TBC1D22A: variants seen among roughly 807,000 people sequenced by gnomAD.
TBC1D22A encodes putative GTPase activator.
Under a neutral mutation model 60.2 loss-of-function variants are expected in TBC1D22A, and 38 were observed. That is an observed-to-expected ratio of 0.63 (90% CI 0.49 to 0.83). TBC1D22A has a LOEUF of 0.83. Among genes scored for constraint, TBC1D22A ranks in the 40% least tolerant of loss-of-function variants. TBC1D22A has a pLI of 0.00. For synonymous variants in TBC1D22A, 302 were observed against 281.7 expected (o/e 1.07, Z -0.72); for missense variants, 628 against 701.0 (o/e 0.90, Z 1.18).
At chr22:47,084,690 C>T (rs1009891242) in intron 11 of TBC1D22A, among the ~76,000 whole-genome samples, 3 of 152,186 alleles carry the variant, frequency 2.0e-5, no homozygotes, top group Non-Finnish European at 2.9e-5. Flanking sequence ...TAATAGTCTG[C>T]AGCTACACGA....
chr22:46,869,490 T>G (rs1267509470), intron 4 of TBC1D22A, among the ~76,000 whole-genome samples: 3 of 152,206 alleles, frequency 2.0e-5, no homozygotes, highest in Non-Finnish European at 4.4e-5. Context: ...GATGGATTAA[T>G]GTGTGGGTGG....
At chr22:47,138,529 G>T (rs948279459) in intron 12 of TBC1D22A, among the ~76,000 whole-genome samples, 1 of 152,226 alleles carries the variant, frequency 6.6e-6, no homozygotes, top group Non-Finnish European at 1.5e-5. Flanking sequence ...AGCCTCCCTA[G>T]TGAACCTTGC....
chr22:46,799,770 T>A (rs1368913730), intron 4 of TBC1D22A, among the ~76,000 whole-genome samples: 1 of 152,216 alleles, frequency 6.6e-6, no homozygotes, highest in Non-Finnish European at 1.5e-5. Flanking sequence ...CACAATGAGA[T>A]TCTGATTGAT....
chr22:46,996,030 C>G (rs151075875), intron 9 of TBC1D22A, among the ~76,000 whole-genome samples: 4 of 152,316 alleles, frequency 2.6e-5, no homozygotes, highest in Admixed American at 6.5e-5. Flanking sequence ...CCCGCTGCCA[C>G]GCAAAGCAGC....
chr22:46,954,324 C>T (rs2073075157), intron 8 of TBC1D22A, among the ~76,000 whole-genome samples: 1 of 152,192 alleles, frequency 6.6e-6, no homozygotes, highest in African/African-American at 2.4e-5. Flanking sequence ...GATTAAGAAA[C>T]GTGATGCGTG....
intron 12 of TBC1D22A, among the ~76,000 whole-genome samples, chr22:47,161,159 CG>C (rs1300905102): frequency 2.6e-5 from 4 of 152,074 alleles, no homozygotes; most frequent in African/African-American, 9.7e-5. Flanking sequence ...TAGAAAGAGA[CG>C]GTGCCTGGAT....
intron 12 of TBC1D22A, among the ~76,000 whole-genome samples, chr22:47,171,450 T>A (rs1279810544): frequency 1.3e-5 from 2 of 152,126 alleles, no homozygotes; most frequent in African/African-American, 4.8e-5. Context: ...GGGCAAATTC[T>A]CGAGGACCAG....
chr22:46,867,023 G>T (rs756262161), intron 4 of TBC1D22A, among the ~76,000 whole-genome samples: 1 of 152,180 alleles, frequency 6.6e-6, no homozygotes, highest in Non-Finnish European at 1.5e-5. Flanking sequence ...TACAGGATTT[G>T]TCATTTCATG....
At chr22:47,011,015 C>T (rs1407172439) in intron 10 of TBC1D22A, among the ~76,000 whole-genome samples, 1 of 152,180 alleles carries the variant, frequency 6.6e-6, no homozygotes, top group Non-Finnish European at 1.5e-5. Context: ...GTTCTCAGCT[C>T]TTTATCTGTA....
intron 11 of TBC1D22A, among the ~76,000 whole-genome samples, chr22:47,054,383 G>C (rs1329794207): frequency 6.6e-6 from 1 of 152,272 alleles, no homozygotes; most frequent in African/African-American, 2.4e-5. Context: ...ACCACTCGAG[G>C]TGAGGGGTCC....
chr22:46,938,275 A>C lies in TBC1D22A; in HGVS notation c.1015+26087A>C, dbSNP rs149839963. ...GTTTAGATATGTTTCGATACACAAAAACTGACCTTTGTGTTCATTTGCCCG... is the reference window on the plus strand; with the variant it reads ...GTTTAGATATGTTTCGATACACAAACACTGACCTTTGTGTTCATTTGCCCG... On this transcript the variant is annotated intron_variant, in intron 8 of 12. Transcript: ENST00000337137. 4.7e-4 allele frequency among the ~76,000 whole-genome samples: 72 copies of C among 152,306 alleles called. No homozygotes were observed. The East Asian group carries it at 0.014, about 29-fold the overall frequency.
At chr22:47,034,478 A>AGGG (rs56368109) in intron 10 of TBC1D22A, among the ~76,000 whole-genome samples, 1 of 151,034 alleles carries the variant, frequency 6.6e-6, no homozygotes, top group Admixed American at 6.6e-5. Flanking sequence ...CGTGGTGATG[A>AGGG]TGAAGAGGAG....
chr22:46,964,774 G>T (rs2073716029), intron 8 of TBC1D22A, among the ~76,000 whole-genome samples: 1 of 152,214 alleles, frequency 6.6e-6, no homozygotes, highest in Non-Finnish European at 1.5e-5. Context: ...GGATGGATGG[G>T]CCAGCAGGGG....
intron 11 of TBC1D22A, among the ~76,000 whole-genome samples, chr22:47,094,598 T>C (rs946727428): frequency 9.9e-5 from 15 of 152,236 alleles, no homozygotes; most frequent in Non-Finnish European, 1.9e-4. Context: ...TACATGTATA[T>C]GTACATACGT....
chr22:47,027,506 C>T (rs2062298588), intron 10 of TBC1D22A, among the ~76,000 whole-genome samples: 1 of 152,090 alleles, frequency 6.6e-6, no homozygotes, highest in African/African-American at 2.4e-5. Context: ...CCCCTGAGTC[C>T]CCAAAGTCCA....
intron 8 of TBC1D22A, among the ~76,000 whole-genome samples, chr22:46,929,723 CGTGTGT>C (rs1569233459): frequency 9.5e-5 from 14 of 146,792 alleles, no homozygotes; most frequent in Non-Finnish European, 1.7e-4. Flanking sequence ...TGTGCGTGTG[CGTGTGT>C]GCATGCATGT....
At chr22:47,148,343 A>AT (rs1471349062) in intron 12 of TBC1D22A, among the ~76,000 whole-genome samples, 6 of 152,258 alleles carry the variant, frequency 3.9e-5, no homozygotes, top group African/African-American at 1.4e-4. Flanking sequence ...ATGTAAAAAA[A>AT]AAAAAAAACA....
intron 4 of TBC1D22A, among the ~76,000 whole-genome samples, chr22:46,799,061 C>G (rs2084786609): frequency 6.6e-6 from 1 of 151,852 alleles, no homozygotes; most frequent in Admixed American, 6.6e-5. Flanking sequence ...AACAGCAACA[C>G]TTGCATGTGT....
chr22:46,874,183 A>T (rs185426922), intron 4 of TBC1D22A, among the ~76,000 whole-genome samples: 1 of 152,150 alleles, frequency 6.6e-6, no homozygotes, highest in Non-Finnish European at 1.5e-5. Context: ...GGAGTCTCTC[A>T]TTGATGGGCA....
Sources: gnomAD v4.1 joint callset for allele counts (sites outside exome capture counted in the v4.1 genomes callset) on GRCh38, gnomAD v4.1.1 for gene constraint, MANE v1.5 for transcripts, NCBI Gene and HGNC (gene_info 2026-07-23, HGNC 2026-07-21) for gene names.